The following IKZF1 variants were observed in gnomAD, a reference collection of about 807,000 sequenced individuals.
IKZF1 encodes the protein DNA-binding protein Ikaros.
IKZF1 carries 10 observed loss-of-function variants against 51.7 expected under a neutral mutation model. That is an observed-to-expected ratio of 0.19 (90% CI 0.12 to 0.33). IKZF1 has a LOEUF of 0.33. Ranked by LOEUF, IKZF1 falls within the 10% of genes least tolerant of loss-of-function variation. IKZF1 has a pLI of 1.00. For missense variants in IKZF1, 484 were observed against 707.5 expected (o/e 0.68, Z 3.58); for synonymous variants, 280 against 282.3 (o/e 0.99, Z 0.08).
chr7:50,323,990 C>A (rs1319568787), intron 2 of IKZF1, among the ~76,000 whole-genome samples: 1 of 152,154 alleles, frequency 6.6e-6, no homozygotes, highest in Non-Finnish European at 1.5e-5. Flanking sequence ...TTGGTCAAGC[C>A]AGAAAGCCAG....
intron 3 of IKZF1, among the ~76,000 whole-genome samples, chr7:50,347,228 T>G (rs537784822): frequency 9.2e-5 from 14 of 152,180 alleles, no homozygotes; most frequent in Non-Finnish European, 1.9e-4. Flanking sequence ...AGATGCCTAG[T>G]TAAAAACAGA....
intron 3 of IKZF1, among the ~76,000 whole-genome samples, chr7:50,356,912 G>A (rs1803581400): frequency 6.6e-6 from 1 of 151,798 alleles, no homozygotes; most frequent in South Asian, 2.1e-4. Flanking sequence ...AGATCACGGG[G>A]TGGCAGAAGG....
At chr7:50,399,013 G>A (rs947788937) in intron 7 of IKZF1, among the ~76,000 whole-genome samples, 2 of 152,204 alleles carry the variant, frequency 1.3e-5, no homozygotes, top group African/African-American at 2.4e-5. Flanking sequence ...CCATTGCCAG[G>A]GAAATGAGCT....
intron 4 of IKZF1, among the ~76,000 whole-genome samples, chr7:50,377,821 T>A (rs1810721253): frequency 6.6e-6 from 1 of 152,244 alleles, no homozygotes; most frequent in African/African-American, 2.4e-5. Context: ...CAGCCACTGA[T>A]AGCTGAAACG....
intron 5 of IKZF1, among the ~76,000 whole-genome samples, chr7:50,383,630 G>A (rs776812200): frequency 3.3e-5 from 5 of 152,188 alleles, no homozygotes; most frequent in Non-Finnish European, 5.9e-5. Context: ...CTTCGGAGGC[G>A]AAAGGTTGAT....
At chr7:50,362,329 A>G (rs935605713) in intron 3 of IKZF1, among the ~76,000 whole-genome samples, 2 of 152,216 alleles carry the variant, frequency 1.3e-5, no homozygotes, top group African/African-American at 4.8e-5. Context: ...TGCCAGATAG[A>G]GTAAGTGTCT....
intron 3 of IKZF1, among the ~76,000 whole-genome samples, chr7:50,358,891 A>T (rs189077467): frequency 2.0e-5 from 3 of 152,318 alleles, no homozygotes; most frequent in Admixed American, 6.5e-5. Flanking sequence ...GTTTACATGA[A>T]ACGTTAAACG....
chr7:50,314,149 C>T (rs768865937), intron 1 of IKZF1, among the ~76,000 whole-genome samples: 11 of 152,192 alleles, frequency 7.2e-5, no homozygotes, highest in South Asian at 2.1e-4. Context: ...CTCGCTCTGT[C>T]GCCCAGGCTG....
At position 50,350,545 on chromosome 7, in the gene IKZF1, G is replaced by A. The variant is rs184074848; in HGVS notation, c.160+22788G>A. Among the ~76,000 whole-genome samples the A allele has an allele frequency of 3.3e-4, 50 of 152,310 alleles. 1 individual carries two copies. The highest frequency in any genetic ancestry group is 1.1e-3 in the African/African-American group (46 of 41,558). ...GTAGAGAATCTTGGGGCAGGATTCCGAGGCAGGCAGATGAGTGAGGATAAA... is the reference window on the plus strand; with the variant it reads ...GTAGAGAATCTTGGGGCAGGATTCCAAGGCAGGCAGATGAGTGAGGATAAA... On this transcript the variant is annotated intron_variant, in intron 3 of 7. Coordinates refer to ENST00000331340, the MANE Select transcript of IKZF1 (RefSeq NM_006060.6).
intron 3 of IKZF1, among the ~76,000 whole-genome samples, chr7:50,348,177 G>T (rs958007580): frequency 6.6e-6 from 1 of 152,216 alleles, no homozygotes; most frequent in African/African-American, 2.4e-5. Context: ...TATCCCATCA[G>T]TCAGCCATAC....
intron 3 of IKZF1, among the ~76,000 whole-genome samples, chr7:50,360,831 G>C (rs1254617007): frequency 6.6e-6 from 1 of 152,182 alleles, no homozygotes; most frequent in East Asian, 1.9e-4. Context: ...GGCTCTGCCC[G>C]GCGCTGCCCC....
chr7:50,323,205 C>A (rs994322287), intron 2 of IKZF1, among the ~76,000 whole-genome samples: 1 of 152,178 alleles, frequency 6.6e-6, no homozygotes, highest in African/African-American at 2.4e-5. Context: ...ATACAGTTAT[C>A]ATTTCCAACC....
chr7:50,375,072 C>T (rs565538771), intron 3 of IKZF1, among the ~76,000 whole-genome samples: 6 of 151,730 alleles, frequency 4.0e-5, no homozygotes, highest in South Asian at 2.1e-4. Flanking sequence ...TCAGGTGATG[C>T]TTATGCTGCT....
At chr7:50,338,525 G>A (rs1316337527) in intron 3 of IKZF1, among the ~76,000 whole-genome samples, 1 of 152,208 alleles carries the variant, frequency 6.6e-6, no homozygotes, top group Non-Finnish European at 1.5e-5. Flanking sequence ...AAGGCTGGGG[G>A]GTTGAGCTGT....
intron 7 of IKZF1, among the ~76,000 whole-genome samples, chr7:50,398,632 A>C (rs896810089): frequency 6.6e-6 from 1 of 151,898 alleles, no homozygotes; most frequent in Non-Finnish European, 1.5e-5. Flanking sequence ...ACCCTCCCCT[A>C]GTAGCTGTCT....
In IKZF1 at chr7:50,402,559, A is replaced by G. The variant is rs1818313856; in HGVS notation, c.*1932A>G. 4.4e-6 allele frequency: 1 copy of G among 228,952 alleles called. No homozygotes were observed. 14.2% of individuals were successfully genotyped at this position (228,952 alleles called of 1,614,324 possible). ...TCAAATGTCTGGGAAGCCCTCCAAG[A>G]AAAAAAATAGAAAAGCACTTGAAGA... On this transcript the variant is annotated 3_prime_UTR_variant, in exon 8 of 8. Transcript: ENST00000331340.
Position 50,403,927 on chromosome 7 carries a change from T to C in IKZF1, c.*3300T>C, listed in dbSNP as rs1483969414. ...ATGTAGACAAATCGTGATGCCAGTG[T>C]ATCCTTCCTTTCTTCAGTTCCAGCA... On this transcript the variant is annotated 3_prime_UTR_variant, in exon 8 of 8. Transcript: ENST00000331340. 1 of 216,448 alleles carries C rather than the reference T, an allele frequency of 4.6e-6. No homozygotes were observed. The allele number at this position is 216,448 out of a possible 1,614,324, so 13.4% of individuals were successfully genotyped here. A position where few individuals can be genotyped will look rare whatever the true frequency, so the allele number is the denominator to read the frequency against.
At chr7:50,350,682 A>G (rs1801642820) in intron 3 of IKZF1, among the ~76,000 whole-genome samples, 2 of 152,214 alleles carry the variant, frequency 1.3e-5, no homozygotes, top group South Asian at 4.1e-4. Context: ...AAGTGTGAAC[A>G]TATTATGCTG....
chr7:50,379,373 G>A (rs143307085), intron 4 of IKZF1, among the ~76,000 whole-genome samples: 7 of 152,330 alleles, frequency 4.6e-5, no homozygotes, highest in Non-Finnish European at 8.8e-5. Flanking sequence ...ATTCAGGGGC[G>A]GTCTCGCCTC....
Sources: allele counts gnomAD v4.1 joint callset (sites outside exome capture counted in the v4.1 genomes callset), GRCh38; gene constraint gnomAD v4.1.1; transcripts MANE v1.5; gene names NCBI Gene and HGNC (gene_info 2026-07-23, HGNC 2026-07-21).